Variants in SCAF8 observed in about 807,000 individuals in gnomAD.
SCAF8 encodes SR-related and CTD-associated factor 8.
A neutral mutation model predicts 140.5 loss-of-function variants in SCAF8; 23 were observed. That is an observed-to-expected ratio of 0.16 (90% CI 0.12 to 0.23). The LOEUF is 0.23. SCAF8 is among the 10% of genes least tolerant of loss of function. The pLI is 1.00. For missense variants in SCAF8, 1,397 were observed against 1,555.7 expected (o/e 0.90, Z 1.72); for synonymous variants, 575 against 528.9 (o/e 1.09, Z -1.20).
At chr6:154,773,906 A>G in intron 1 of SCAF8, 83 bp from the exon 2 acceptor site, 1 of 873,236 alleles carries the variant, frequency 1.1e-6, no homozygotes, top group Non-Finnish European at 1.9e-6. Context: ...TTTCATTGAG[A>G]ATATAAAAAT....
At chr6:154,760,788 A>G (rs1776362919) in intron 1 of SCAF8, among the ~76,000 whole-genome samples, 2 of 151,866 alleles carry the variant, frequency 1.3e-5, no homozygotes, top group African/African-American at 4.8e-5. Flanking sequence ...TTTTTTATTT[A>G]TTAAAAATTT....
chr6:154,792,800 G>A (rs1162450468), intron 4 of SCAF8, 23 bp from the exon 5 acceptor site: 1 of 1,552,046 alleles, frequency 6.4e-7, no homozygotes, highest in East Asian at 2.4e-5. Context: ...AAACCAAAAT[G>A]TCATGTTTCT....
chr6:154,756,574 AGTT>A (rs1778971559), intron 1 of SCAF8, among the ~76,000 whole-genome samples: 1 of 152,182 alleles, frequency 6.6e-6, no homozygotes, highest in Non-Finnish European at 1.5e-5. Context: ...CCAGTTGTCT[AGTT>A]GTTTTTAGTT....
At chr6:154,777,978 A>G in intron 2 of SCAF8, 23 bp from the exon 3 acceptor site, 3 of 1,432,536 alleles carry the variant, frequency 2.1e-6, no homozygotes, top group Admixed American at 1.7e-5. Context: ...TTAAAACCAT[A>G]CTTCATTTTT....
chr6:154,821,055 C>G (rs1337230283), intron 15 of SCAF8, among the ~76,000 whole-genome samples: 1 of 152,020 alleles, frequency 6.6e-6, no homozygotes, highest in Non-Finnish European at 1.5e-5. Flanking sequence ...CAGGCCTATT[C>G]CTCACCCCAC....
intron 12 of SCAF8, among the ~76,000 whole-genome samples, chr6:154,813,471 T>C (rs1778154872): frequency 6.6e-6 from 1 of 152,018 alleles, no homozygotes; most frequent in Non-Finnish European, 1.5e-5. Flanking sequence ...TGCAGTGAGC[T>C]ATAATTAGGA....
At chr6:154,820,613 A>G (rs979530130) in intron 15 of SCAF8, among the ~76,000 whole-genome samples, 1 of 151,960 alleles carries the variant, frequency 6.6e-6, no homozygotes, top group Non-Finnish European at 1.5e-5. Flanking sequence ...TGTGGGAGGG[A>G]TTTTTGAAAC....
chr6:154,810,419 A>AT lies in SCAF8; in HGVS notation c.1420+217dup, dbSNP rs536917198. Reference sequence around the variant, plus strand: ...CAAATACCAAGGTCATTGAGGGTTGATTTTTTGTTTGTTTTTCAAATGCAA... The same window carrying AT: ...CAAATACCAAGGTCATTGAGGGTTGATTTTTTTGTTTGTTTTTCAAATGCAA... On this transcript the variant is annotated intron_variant, in intron 12 of 19. Coordinates refer to ENST00000367178, the MANE Select transcript of SCAF8 (RefSeq NM_014892.5). 9.2e-5 allele frequency among the ~76,000 whole-genome samples: 14 copies of AT among 152,280 alleles called. No individual in the cohort carries two copies. The East Asian group carries it at 1.4e-3, about 15-fold the overall frequency.
At chr6:154,747,284 C>T (rs987588341) in intron 1 of SCAF8, among the ~76,000 whole-genome samples, 26 of 152,200 alleles carry the variant, frequency 1.7e-4, no homozygotes, top group African/African-American at 5.1e-4. Context: ...GAGGCTGAGG[C>T]GGGCTGATTG....
At chr6:154,787,819 C>T in intron 3 of SCAF8, 42 bp from the exon 4 acceptor site, 3 of 1,536,608 alleles carry the variant, frequency 2.0e-6, no homozygotes, top group East Asian at 4.6e-5. Context: ...AGAATTTTAC[C>T]TTTCCGTTTC....
intron 19 of SCAF8, 65 bp from the exon 20 acceptor site, chr6:154,831,874 A>T: frequency 7.2e-7 from 1 of 1,391,914 alleles, no homozygotes; most frequent in Non-Finnish European, 9.7e-7. Context: ...GTAGCTGATT[A>T]AGCTAAAATT....
chr6:154,805,202 A>T (rs1777877295), intron 8 of SCAF8, among the ~76,000 whole-genome samples, 167 bp from the exon 9 acceptor site: 1 of 151,940 alleles, frequency 6.6e-6, no homozygotes, highest in Admixed American at 6.6e-5. Context: ...TTCTTTTAAT[A>T]ATTAATGTTC....
At chr6:154,738,244 T>G (rs1228502696) in intron 1 of SCAF8, among the ~76,000 whole-genome samples, 1 of 152,068 alleles carries the variant, frequency 6.6e-6, no homozygotes, top group Non-Finnish European at 1.5e-5. Flanking sequence ...ATTTTTAATC[T>G]GCAAACTGTG....
intron 5 of SCAF8, among the ~76,000 whole-genome samples, chr6:154,793,802 C>CAA (rs1222031342): frequency 2.1e-5 from 1 of 47,808 alleles, no homozygotes; most frequent in Non-Finnish European, 3.7e-5. Context: ...GCAACAAGAG[C>CAA]AAAACTCTGT....
intron 17 of SCAF8, chr6:154,825,310 A>G (rs1431135648): frequency 2.6e-5 from 4 of 152,328 alleles, no homozygotes; most frequent in East Asian, 3.9e-4. Context: ...ACACAAAAAA[A>G]GTTTCTTGAA....
intron 17 of SCAF8, among the ~76,000 whole-genome samples, chr6:154,826,352 C>A (rs1427306451): frequency 6.6e-6 from 1 of 151,734 alleles, no homozygotes; most frequent in Admixed American, 6.6e-5. Context: ...TTATTTTTAG[C>A]CACTTTTTAA....
chr6:154,791,067 G>A (rs1286454188), intron 4 of SCAF8, among the ~76,000 whole-genome samples: 1 of 152,176 alleles, frequency 6.6e-6, no homozygotes, highest in Non-Finnish European at 1.5e-5. Flanking sequence ...ATTTCAAGAA[G>A]CAAGGTATAA....
At chr6:154,808,888 TGGGA>T in intron 11 of SCAF8, 90 bp downstream of exon 11, 1 of 827,880 alleles carries the variant, frequency 1.2e-6, no homozygotes, top group Non-Finnish European at 1.9e-6. Context: ...AATGTTTCCT[TGGGA>T]TGACATATTT....
rs763046561 is a variant in SCAF8 at position 154,833,071 on chromosome 6, C to T, written c.3492C>T (p.Asp1164=). Residue 1164 remains aspartate (D), a synonymous_variant, in exon 20 of 20, where the codon GAC becomes GAT. Transcript: ENST00000367178. ...GGGAGAGGCAAAGGGATAGGGATGA[C>T]AGAGATTTTGATTTCTGCAGAGAAA... ...RPWERQRDRD[D]RDFDFCREMN... is the part of the protein sequence containing the mutation. 1.9e-6 allele frequency: 3 copies of T among 1,614,082 alleles called. No individual in the cohort carries two copies. The highest frequency in any genetic ancestry group is 1.3e-5 in the African/African-American group (1 of 75,032).
Sources: allele counts gnomAD v4.1 joint callset (sites outside exome capture counted in the v4.1 genomes callset), GRCh38; gene constraint gnomAD v4.1.1; transcripts MANE v1.5; gene names NCBI Gene and HGNC (gene_info 2026-07-23, HGNC 2026-07-21).